The following LPCAT2 variants were observed in gnomAD, a reference collection of about 807,000 sequenced individuals.
LPCAT2 encodes lysophosphatidylcholine acyltransferase 2.
Under a neutral mutation model 64.7 loss-of-function variants are expected in LPCAT2, and 58 were observed. The ratio of observed to expected loss-of-function variants is 0.90; its 90% CI spans 0.73 to 1.12. LPCAT2 has a LOEUF of 1.12. Ranked by LOEUF, LPCAT2 falls within the 50% of genes most tolerant of loss-of-function variation. LPCAT2 has a pLI of 0.00. For synonymous variants in LPCAT2, 252 were observed against 245.3 expected (o/e 1.03, Z -0.26); for missense variants, 579 against 669.8 (o/e 0.86, Z 1.50).
chr16:55,524,497 T>G (rs2142396263), intron 1 of LPCAT2, among the ~76,000 whole-genome samples: 1 of 152,128 alleles, frequency 6.6e-6, no homozygotes, highest in African/African-American at 2.4e-5. Context: ...AGTATATATT[T>G]ATCAAAGCTC....
chr16:55,532,938 C>G, intron 6 of LPCAT2, 56 bp downstream of exon 6: 2 of 1,371,580 alleles, frequency 1.5e-6, no homozygotes, highest in Non-Finnish European at 1.0e-6. Flanking sequence ...AGCACAGATT[C>G]TCTGGGACCC....
chr16:55,533,411 T>G (rs1202733278), intron 6 of LPCAT2, among the ~76,000 whole-genome samples: 2 of 139,954 alleles, frequency 1.4e-5, no homozygotes, highest in East Asian at 4.1e-4. Flanking sequence ...TTCGGGTTTT[T>G]TTTTTTTTTT....
rs769905761 is a variant in LPCAT2 at position 55,579,242 on chromosome 16, A to G, written c.1448A>G (p.Tyr483Cys). 6 of 1,612,336 alleles carry G rather than the reference A, an allele frequency of 3.7e-6. No homozygotes were observed. Among genetic ancestry groups the G allele is most frequent in the Middle Eastern group, 1.7e-4 (1 of 6,000 alleles). The change falls in exon 13 of 14, where the codon TAT (tyrosine) becomes TGT (cysteine). Residue 483 changes from tyrosine (Y) to cysteine (C), a missense_variant and splice_region_variant. By Grantham distance (194) the Tyr-to-Cys change is radical. Transcript: ENST00000262134. ...KEIAQGDSIS[Y>C]EEFKSFALKH... ...ATAGCCCAAGGGGACTCAATTTCCTATGGTGAGTAGGCAATCTGGCCTCCT... is the reference window on the plus strand; with the variant it reads ...ATAGCCCAAGGGGACTCAATTTCCTGTGGTGAGTAGGCAATCTGGCCTCCT...
intron 10 of LPCAT2, among the ~76,000 whole-genome samples, chr16:55,550,162 T>A (rs1963499699): frequency 6.6e-6 from 1 of 152,240 alleles, no homozygotes; most frequent in Non-Finnish European, 1.5e-5. Context: ...TTGCTTTTGT[T>A]TGCATATTAT....
chr16:55,568,951 T>C (rs1356157646), intron 11 of LPCAT2, among the ~76,000 whole-genome samples: 1 of 152,090 alleles, frequency 6.6e-6, no homozygotes. Context: ...AAGTGCTTGG[T>C]TCCTCTGTCT....
Position 55,583,391 on chromosome 16 carries a change from TG to T in LPCAT2, c.*295del, listed in dbSNP as rs1963909398. ...AATTTGCATATACAAATGAATGCAA[TG>T]GTCTATTGGTGAGCATTGAGCAACA... On this transcript the variant is annotated 3_prime_UTR_variant, in exon 14 of 14. Coordinates refer to ENST00000262134, the MANE Select transcript of LPCAT2 (RefSeq NM_017839.5). 8.0e-6 allele frequency: 2 copies of T among 250,576 alleles called. No homozygotes were observed. 15.5% of individuals were successfully genotyped at this position (250,576 alleles called of 1,614,324 possible). A position where few individuals can be genotyped will look rare whatever the true frequency, so the allele number is the denominator to read the frequency against.
At chr16:55,579,627 A>G (rs1276201255) in intron 13 of LPCAT2, among the ~76,000 whole-genome samples, 3 of 152,190 alleles carry the variant, frequency 2.0e-5, no homozygotes, top group Non-Finnish European at 2.9e-5. Flanking sequence ...AGCCTGCACT[A>G]TTGACTCTAC....
Position 55,585,570 on chromosome 16 carries a change from T to C in LPCAT2, c.*2472T>C, listed in dbSNP as rs1963935408. 6.6e-6 allele frequency: 1 copy of C among 152,182 alleles called. No individual in the cohort carries two copies. Among genetic ancestry groups the C allele is most frequent in the South Asian group, 2.1e-4 (1 of 4,828 alleles). 9.4% of individuals were successfully genotyped at this position (152,182 alleles called of 1,614,324 possible). On this transcript the variant is annotated 3_prime_UTR_variant, in exon 14 of 14. Transcript: ENST00000262134. ...CATATAGTAATATAAAAAAACTCTT[T>C]GAAGTGAGAAATATTATATCCTAAA...
intron 7 of LPCAT2, among the ~76,000 whole-genome samples, chr16:55,536,669 C>A (rs542985554): frequency 1.3e-5 from 2 of 152,066 alleles, no homozygotes; most frequent in African/African-American, 4.8e-5. Flanking sequence ...AATTTCTTAA[C>A]AGTGAAAAGA....
intron 8 of LPCAT2, chr16:55,539,201 T>C (rs1441069437): frequency 1.3e-5 from 2 of 152,038 alleles, no homozygotes; most frequent in East Asian, 3.8e-4. Flanking sequence ...CTTTTTTTTT[T>C]TGTCATGACC....
rs1963268688 is a variant in LPCAT2, at chr16:55,532,638, T to C, written c.704-186T>C. The C allele has an allele frequency of 1.7e-5, 5 of 297,080 alleles. No individual in the cohort carries two copies. The South Asian group carries it at 2.7e-4, about 16-fold the overall frequency. 18.4% of individuals were successfully genotyped at this position (297,080 alleles called of 1,614,324 possible). On this transcript the variant is annotated intron_variant, in intron 5 of 13. Transcript: ENST00000262134. The stretch of plus-strand genomic sequence containing the variant: ...GCATTTAATATTTTGCTTCAGTAGT[T>C]CTTAATTAAAAAAAAAAAATCCCTC...
At chr16:55,517,530 A>T (rs1193047180) in intron 1 of LPCAT2, among the ~76,000 whole-genome samples, 2 of 152,164 alleles carry the variant, frequency 1.3e-5, no homozygotes, top group Non-Finnish European at 2.9e-5. Flanking sequence ...CCAAAAAAGG[A>T]CATCACAATA....
intron 9 of LPCAT2, 122 bp downstream of exon 9, chr16:55,545,939 T>C (rs1261992875): frequency 3.9e-5 from 26 of 664,568 alleles, no homozygotes; most frequent in Non-Finnish European, 6.6e-5. Flanking sequence ...TTCATTTTGA[T>C]ACGTAAAATA....
intron 3 of LPCAT2, 41 bp from the exon 4 acceptor site, chr16:55,529,794 C>A: frequency 7.7e-7 from 1 of 1,297,174 alleles, no homozygotes. Flanking sequence ...GTTGCTTTAG[C>A]CAAAAAATGG....
intron 1 of LPCAT2, among the ~76,000 whole-genome samples, chr16:55,510,011 C>CTTTTTTTTTTTTTTTTTT (rs1962907493): frequency 2.2e-5 from 1 of 44,580 alleles, no homozygotes; most frequent in African/African-American, 5.6e-5. Flanking sequence ...TTTTTTTTGC[C>CTTTTTTTTTTTTTTTTTT]TTAGGAAGGA....
chr16:55,528,660 T>C (rs71393085), intron 3 of LPCAT2, 66 bp downstream of exon 3: 140,870 of 1,202,710 alleles, frequency 0.12, 9,302 homozygotes, highest in East Asian at 0.19. Context: ...AAAATAATCA[T>C]ATATAGTTCA....
intron 8 of LPCAT2, 61 bp downstream of exon 8, chr16:55,537,693 C>T (rs2142388117): frequency 2.1e-6 from 3 of 1,436,060 alleles, no homozygotes; most frequent in South Asian, 1.2e-5. Flanking sequence ...AATTTTGAAC[C>T]TCTAGTCTAG....
At chr16:55,575,049 C>A (rs988263717) in intron 12 of LPCAT2, among the ~76,000 whole-genome samples, 1 of 152,070 alleles carries the variant, frequency 6.6e-6, no homozygotes, top group African/African-American at 2.4e-5. Context: ...TAAATAAACA[C>A]CACCTGTCAC....
intron 4 of LPCAT2, 99 bp downstream of exon 4, chr16:55,530,046 A>G (rs1350851491): frequency 5.1e-6 from 4 of 780,068 alleles, no homozygotes; most frequent in African/African-American, 3.5e-5. Flanking sequence ...ATATCTGTGG[A>G]CACCTATACT....
Sources: gnomAD v4.1 joint callset for allele counts (sites outside exome capture counted in the v4.1 genomes callset) on GRCh38, gnomAD v4.1.1 for gene constraint, MANE v1.5 for transcripts, NCBI Gene and HGNC (gene_info 2026-07-23, HGNC 2026-07-21) for gene names.